Variants in PDZRN4 observed in about 807,000 individuals in gnomAD.
PDZRN4 encodes PDZ domain containing ring finger 4.
In PDZRN4, 70 loss-of-function variants were observed where a neutral mutation model predicts 99.0. The ratio of observed to expected loss-of-function variants is 0.71; its 90% confidence interval spans 0.58 to 0.86. The LOEUF (loss-of-function observed/expected upper bound fraction) is 0.86. Among genes scored for constraint, PDZRN4 ranks in the 40% least tolerant of loss-of-function variants. The pLI is 0.00. For synonymous variants in PDZRN4, 551 were observed against 501.6 expected (o/e 1.10, Z -1.32); for missense variants, 1,474 against 1,331.2 (o/e 1.11, Z -1.67).
At chr12:41,428,886 A>T (rs1164073251) in intron 3 of PDZRN4, among the ~76,000 whole-genome samples, 1 of 152,184 alleles carries the variant, frequency 6.6e-6, no homozygotes, top group Admixed American at 6.5e-5. Context: ...GAGACTGCAC[A>T]GTTCAGATTG....
intron 3 of PDZRN4, among the ~76,000 whole-genome samples, chr12:41,359,130 T>G (rs938255916): frequency 6.6e-6 from 1 of 152,008 alleles, no homozygotes; most frequent in African/African-American, 2.4e-5. Flanking sequence ...TTCAGAATTA[T>G]TATTCCTGCT....
chr12:41,437,793 C>G, intron 3 of PDZRN4: 1 of 1,551,376 alleles, frequency 6.4e-7, no homozygotes, highest in Non-Finnish European at 8.7e-7. Flanking sequence ...CTCTGGCTTA[C>G]GCTTCCAGCT....
chr12:41,506,882 G>A (rs577578545), intron 4 of PDZRN4, among the ~76,000 whole-genome samples, 170 bp downstream of exon 4: 1 of 152,172 alleles, frequency 6.6e-6, no homozygotes, highest in Non-Finnish European at 1.5e-5. Context: ...GTTCTCAGTG[G>A]TCCCTGCTAG....
At chr12:41,439,139 T>G (rs1325095107) in intron 3 of PDZRN4, among the ~76,000 whole-genome samples, 1 of 152,222 alleles carries the variant, frequency 6.6e-6, no homozygotes, top group Non-Finnish European at 1.5e-5. Context: ...TTAGCCAGTT[T>G]CCAAAATGAT....
intron 2 of PDZRN4, among the ~76,000 whole-genome samples, chr12:41,192,711 A>G (rs1950742951): frequency 6.6e-6 from 1 of 152,242 alleles, no homozygotes; most frequent in Non-Finnish European, 1.5e-5. Flanking sequence ...ATTGATTTCA[A>G]TAGGAAGTAC....
At chr12:41,324,507 G>C (rs925562584) in intron 3 of PDZRN4, among the ~76,000 whole-genome samples, 35 of 151,966 alleles carry the variant, frequency 2.3e-4, no homozygotes, top group Admixed American at 2.6e-4. Flanking sequence ...ATTTTCTCTT[G>C]TGTCTTTGGG....
At position 41,449,010 on chromosome 12, in the gene PDZRN4, G is replaced by A. The variant is rs59916835; in HGVS notation, c.844-57446G>A. On this transcript the variant is annotated intron_variant, in intron 3 of 9. Coordinates refer to ENST00000402685, the MANE Select transcript of PDZRN4 (RefSeq NM_001164595.2). ...CCCAGACCAAGCATTTCATTACCTC[G>A]CTTTATGCAGACCCAACACATTAGG... Among the ~76,000 whole-genome samples the A allele has an allele frequency of 6.0e-3, 915 of 152,004 alleles. 3 individuals are homozygous for A. The highest frequency in any genetic ancestry group is 0.015 in the African/African-American group (608 of 41,452).
At chr12:41,291,475 A>G (rs776427228) in intron 3 of PDZRN4, among the ~76,000 whole-genome samples, 1 of 152,146 alleles carries the variant, frequency 6.6e-6, no homozygotes, top group African/African-American at 2.4e-5. Flanking sequence ...TTATCGGCAA[A>G]TTGGGAATAA....
intron 3 of PDZRN4, among the ~76,000 whole-genome samples, chr12:41,427,391 C>T (rs1043055611): frequency 2.6e-5 from 4 of 152,090 alleles, no homozygotes; most frequent in African/African-American, 9.7e-5. Context: ...AGTTCATGTT[C>T]GTAAGACCCC....
At chr12:41,521,462 AAG>A (rs1261921166) in intron 5 of PDZRN4, among the ~76,000 whole-genome samples, 33 of 152,126 alleles carry the variant, frequency 2.2e-4, no homozygotes, top group African/African-American at 7.5e-4. Flanking sequence ...AAGGCACAAT[AAG>A]AGATATTAGA....
Position 41,278,933 on chromosome 12 carries a change from C to T in PDZRN4, c.843+84745C>T, listed in dbSNP as rs533323470. Among the ~76,000 whole-genome samples the T allele has an allele frequency of 5.3e-5, 8 of 152,270 alleles. No individual in the cohort carries two copies. In the South Asian group the frequency reaches 1.7e-3, roughly 32 times the overall value. ...CATGGATAAAGGCCCTTATCTCAGC[C>T]TTTCAGCCTTCAGCTAAAACAGAAA... On this transcript the variant is annotated intron_variant, in intron 3 of 9. Coordinates refer to ENST00000402685, the MANE Select transcript of PDZRN4 (RefSeq NM_001164595.2).
chr12:41,504,888 A>G (rs1440119496), intron 3 of PDZRN4, among the ~76,000 whole-genome samples: 4 of 152,202 alleles, frequency 2.6e-5, no homozygotes, highest in Non-Finnish European at 5.9e-5. Flanking sequence ...CTTACTAGTG[A>G]TTCAAGAGCA....
intron 3 of PDZRN4, among the ~76,000 whole-genome samples, chr12:41,337,724 C>T (rs1951786045): frequency 6.6e-6 from 1 of 152,082 alleles, no homozygotes; most frequent in African/African-American, 2.4e-5. Flanking sequence ...TGACCTTGAT[C>T]CCAGGGTTCA....
chr12:41,381,141 TTCTC>T (rs1475917204), intron 3 of PDZRN4, among the ~76,000 whole-genome samples: 1 of 152,194 alleles, frequency 6.6e-6, no homozygotes, highest in Non-Finnish European at 1.5e-5. Context: ...GCTTTCAAAG[TTCTC>T]TCTTTGTCTT....
intron 3 of PDZRN4, among the ~76,000 whole-genome samples, chr12:41,457,846 T>A (rs1952829698): frequency 6.6e-6 from 1 of 152,222 alleles, no homozygotes; most frequent in Non-Finnish European, 1.5e-5. Context: ...GTGTGAATGA[T>A]TCTAGGTGCA....
At chr12:41,501,910 A>G (rs1203424891) in intron 3 of PDZRN4, among the ~76,000 whole-genome samples, 1 of 152,102 alleles carries the variant, frequency 6.6e-6, no homozygotes, top group Non-Finnish European at 1.5e-5. Context: ...TTGTTAATTC[A>G]TTTGAATATA....
chr12:41,421,246 AG>A (rs1565578611), intron 3 of PDZRN4, among the ~76,000 whole-genome samples: 1 of 151,966 alleles, frequency 6.6e-6, no homozygotes, highest in Non-Finnish European at 1.5e-5. Context: ...TTTGTCACCC[AG>A]GAGTGCAATG....
At chr12:41,428,084 T>C (rs549372605) in intron 3 of PDZRN4, among the ~76,000 whole-genome samples, 1 of 152,162 alleles carries the variant, frequency 6.6e-6, no homozygotes, top group East Asian at 1.9e-4. Flanking sequence ...TGAGACTCCA[T>C]CTCAAAAAAA....
chr12:41,270,363 G>GT (rs1326883169), intron 3 of PDZRN4, among the ~76,000 whole-genome samples: 2 of 149,984 alleles, frequency 1.3e-5, no homozygotes, highest in Admixed American at 1.3e-4. Context: ...GAATTAGATT[G>GT]TTAATGCATG....
Sources: gnomAD v4.1 joint callset for allele counts (sites outside exome capture counted in the v4.1 genomes callset) on GRCh38, gnomAD v4.1.1 for gene constraint, MANE v1.5 for transcripts, NCBI Gene and HGNC (gene_info 2026-07-23, HGNC 2026-07-21) for gene names.